The following TK1 variants were observed in gnomAD, a reference collection of about 807,000 sequenced individuals.
The protein encoded by TK1 is thymidine kinase, cytosolic.
TK1 carries 13 observed loss-of-function variants against 22.4 expected under a neutral mutation model. The ratio of observed to expected loss-of-function variants is 0.58; its 90% CI spans 0.38 to 0.92. The LOEUF is 0.92. Among genes scored for constraint, TK1 ranks in the 40% least tolerant of loss-of-function variants. The probability of loss-of-function intolerance (pLI) is 0.00; values close to 1 mark genes in which losing one functional copy is unlikely to be tolerated. For missense variants in TK1, 251 were observed against 315.7 expected (o/e 0.80, Z 1.55); for synonymous variants, 134 against 125.4 (o/e 1.07, Z -0.46).
intron 4 of TK1, among the ~76,000 whole-genome samples, chr17:78,181,626 A>G (rs1277097422): frequency 6.6e-6 from 1 of 152,058 alleles, no homozygotes; most frequent in Non-Finnish European, 1.5e-5. Context: ...AGATTTCCAT[A>G]CAAAGACTGG....
At chr17:78,179,214 C>T in intron 4 of TK1, 2 of 985,426 alleles carry the variant, frequency 2.0e-6, no homozygotes, top group Non-Finnish European at 2.4e-6. Flanking sequence ...CTGAAGCTTC[C>T]TTGTTCTGAG....
chr17:78,184,280 C>G (rs1209305935), intron 3 of TK1, among the ~76,000 whole-genome samples: 1 of 152,244 alleles, frequency 6.6e-6, no homozygotes, highest in Admixed American at 6.5e-5. Context: ...TGGATCTGTT[C>G]TCTGCACAGC....
chr17:78,177,796 G>A (rs1190224631), intron 4 of TK1, among the ~76,000 whole-genome samples: 6 of 151,530 alleles, frequency 4.0e-5, no homozygotes, highest in Admixed American at 6.6e-5. Flanking sequence ...GGATGGTCTC[G>A]ATCTCCTGAC....
At chr17:78,184,510 AC>A (rs1275811668) in intron 3 of TK1, among the ~76,000 whole-genome samples, 1 of 152,194 alleles carries the variant, frequency 6.6e-6, no homozygotes, top group Non-Finnish European at 1.5e-5. Flanking sequence ...GCGAGCTCAA[AC>A]AGCTACACAT....
At chr17:78,179,666 C>T (rs761446844) in intron 4 of TK1, 8 of 985,426 alleles carry the variant, frequency 8.1e-6, no homozygotes, top group Non-Finnish European at 9.6e-6. Context: ...GACGTCCGGG[C>T]AGGGTATTCA....
In TK1 at chr17:78,179,718, A is replaced by G. The variant is rs181981598; in HGVS notation, c.303+2871T>C. On this transcript the variant is annotated intron_variant, in intron 4 of 6. Coordinates refer to ENST00000301634, the MANE Select transcript of TK1 (RefSeq NM_003258.5). ...CTCTGTGCTGGGAGGCAGGGCGGGT[A>G]GAGACCTCGAAGCACTCACCAAACC... 10 of 985,434 alleles carry G rather than the reference A, an allele frequency of 1.0e-5. No individual in the cohort carries two copies. The East Asian group carries it at 1.0e-3, about 101-fold the overall frequency. 61.0% of individuals were successfully genotyped at this position (985,434 alleles called of 1,614,324 possible). A position where few individuals can be genotyped will look rare whatever the true frequency, so the allele number is the denominator to read the frequency against.
At chr17:78,179,442 TA>T in intron 4 of TK1, 1 of 985,386 alleles carries the variant, frequency 1.0e-6, no homozygotes, top group South Asian at 4.7e-5. Context: ...GGAATGGCCA[TA>T]CCCAAGCGGG....
At chr17:78,178,731 G>A (rs148378621) in intron 4 of TK1, among the ~76,000 whole-genome samples, 148 of 152,252 alleles carry the variant, frequency 9.7e-4, no homozygotes, top group Non-Finnish European at 1.6e-3. Context: ...TGCAACCTTC[G>A]CCTACCGGGT....
At chr17:78,179,693 C>G (rs1008490733) in intron 4 of TK1, 3 of 985,336 alleles carry the variant, frequency 3.0e-6, no homozygotes, top group Non-Finnish European at 3.6e-6. Flanking sequence ...AGCGGCCTGG[C>G]TCTGTGCTGG....
chr17:78,179,807 C>A, intron 4 of TK1: 1 of 957,750 alleles, frequency 1.0e-6, no homozygotes, highest in Non-Finnish European at 1.2e-6. Context: ...TGGTGGCTCA[C>A]GCCTGTAATC....
At position 78,174,754 on chromosome 17, in the gene TK1, G is replaced by T. The variant is rs781665575; in HGVS notation, c.*5C>A. ...GGAAGGGAGCGGGCGGCCCTCGCAG[G>T]TCCCTCAGTTGGCAGGGCTGCATTG... On this transcript the variant is annotated 3_prime_UTR_variant, in exon 7 of 7. Transcript: ENST00000301634. The T allele has an allele frequency of 1.3e-6, 2 of 1,595,184 alleles. No homozygotes were observed. Among genetic ancestry groups the T allele is most frequent in the Non-Finnish European group, 1.7e-6 (2 of 1,171,472 alleles).
intron 3 of TK1, among the ~76,000 whole-genome samples, chr17:78,183,028 C>A (rs2075748823): frequency 1.3e-5 from 2 of 152,134 alleles, no homozygotes; most frequent in South Asian, 2.1e-4. Flanking sequence ...ACCATCACAC[C>A]CAGCTAATTT....
rs1035533774 is a variant in TK1 at position 78,174,434 on chromosome 17, A to C, written c.*325T>G. On this transcript the variant is annotated 3_prime_UTR_variant, in exon 7 of 7. Transcript: ENST00000301634. ...AGCAGTGAAAGCCGCAGAGGGGAAG[A>C]AGCAGGCTGATGTCAACAGCGTGGG... The C allele has an allele frequency of 3.1e-6, 1 of 325,200 alleles. No individual in the cohort carries two copies. The highest frequency in any genetic ancestry group is 5.7e-6 in the Non-Finnish European group (1 of 175,848). 20.1% of individuals were successfully genotyped at this position (325,200 alleles called of 1,614,324 possible). A position where few individuals can be genotyped will look rare whatever the true frequency, so the allele number is the denominator to read the frequency against.
At chr17:78,179,555 C>T in intron 4 of TK1, 1 of 985,436 alleles carries the variant, frequency 1.0e-6, no homozygotes, top group Non-Finnish European at 1.2e-6. Context: ...ACCCGTCAGC[C>T]TCCCCACGGG....
At chr17:78,182,183 T>C (rs1276009569) in intron 4 of TK1, among the ~76,000 whole-genome samples, 1 of 151,928 alleles carries the variant, frequency 6.6e-6, no homozygotes, top group East Asian at 1.9e-4. Flanking sequence ...GAGACCAGCT[T>C]GACCAACATG....
Position 78,174,742 on chromosome 17 carries a change from C to A in TK1, c.*17G>T, listed in dbSNP as rs752198687. The A allele has an allele frequency of 1.6e-5, 25 of 1,566,142 alleles. No homozygotes were observed. In the East Asian group the frequency reaches 5.9e-4, roughly 37 times the overall value. ...GCGGCAGTGGCAGGAAGGGAGCGGG[C>A]GGCCCTCGCAGGTCCCTCAGTTGGC... On this transcript the variant is annotated 3_prime_UTR_variant, in exon 7 of 7. Coordinates refer to ENST00000301634, the MANE Select transcript of TK1 (RefSeq NM_003258.5).
chr17:78,184,691 G>A (rs1276852168), intron 3 of TK1, among the ~76,000 whole-genome samples: 1 of 152,120 alleles, frequency 6.6e-6, no homozygotes, highest in African/African-American at 2.4e-5. Flanking sequence ...CCTGACATTT[G>A]GGGCCAGCTC....
intron 4 of TK1, chr17:78,179,209 G>A (rs530404150): frequency 1.0e-6 from 1 of 985,436 alleles, no homozygotes; most frequent in South Asian, 4.7e-5. Context: ...CAAAGCTGAA[G>A]CTTCCTTGTT....
At chr17:78,182,387 A>G (rs1030059295) in intron 4 of TK1, among the ~76,000 whole-genome samples, 1 of 152,054 alleles carries the variant, frequency 6.6e-6, no homozygotes, top group Non-Finnish European at 1.5e-5. Context: ...AAAAAAAAAA[A>G]AAGTAAAACG....
Sources: allele counts gnomAD v4.1 joint callset (sites outside exome capture counted in the v4.1 genomes callset), GRCh38; gene constraint gnomAD v4.1.1; transcripts MANE v1.5; gene names NCBI Gene and HGNC (gene_info 2026-07-23, HGNC 2026-07-21).